The following CDH12 variants were observed in gnomAD, a reference collection of about 807,000 sequenced individuals.
CDH12 encodes cadherin 12, also known as cadherin-12.
A neutral mutation model predicts 74.1 loss-of-function variants in CDH12; 41 were observed. The observed-to-expected ratio is 0.55, with a 90% CI of 0.43 to 0.72. CDH12 has a LOEUF of 0.72. Ranked by LOEUF, CDH12 falls within the 30% of genes least tolerant of loss-of-function variation. The probability of loss-of-function intolerance (pLI) is 0.00; values close to 1 mark genes in which losing one functional copy is unlikely to be tolerated. For synonymous variants in CDH12, 399 were observed against 355.0 expected, an observed-to-expected ratio of 1.12 and a Z score of -1.39; for missense variants, 945 against 977.2, an observed-to-expected ratio of 0.97 and a Z score of 0.44.
At chr5:22,839,432 C>T (rs1400251812) in intron 1 of CDH12, among the ~76,000 whole-genome samples, 2 of 148,334 alleles carry the variant, frequency 1.3e-5, no homozygotes, top group Admixed American at 6.8e-5. Flanking sequence ...TATCTCGGCT[C>T]ACTGCAACCT....
intron 1 of CDH12, among the ~76,000 whole-genome samples, chr5:22,572,880 G>A (rs964902988): frequency 6.6e-6 from 1 of 152,130 alleles, no homozygotes; most frequent in Non-Finnish European, 1.5e-5. Flanking sequence ...AGACACAGCA[G>A]ATGAAACAAC....
At chr5:22,396,606 T>A (rs1206514133) in intron 3 of CDH12, among the ~76,000 whole-genome samples, 1 of 152,102 alleles carries the variant, frequency 6.6e-6, no homozygotes, top group Non-Finnish European at 1.5e-5. Context: ...ATGGATCAAA[T>A]GAGCAAATTT....
intron 6 of CDH12, among the ~76,000 whole-genome samples, chr5:21,952,632 G>C (rs1755914728): frequency 6.6e-6 from 1 of 152,166 alleles, no homozygotes. Flanking sequence ...GAGAAAACAT[G>C]CTGTGAGATG....
At chr5:22,804,336 AT>A (rs1328518987) in intron 1 of CDH12, among the ~76,000 whole-genome samples, 1 of 151,988 alleles carries the variant, frequency 6.6e-6, no homozygotes, top group Non-Finnish European at 1.5e-5. Flanking sequence ...CCTCAAACCT[AT>A]TTCTCTTTTG....
intron 3 of CDH12, among the ~76,000 whole-genome samples, chr5:22,239,442 G>A (rs943165814): frequency 6.6e-6 from 1 of 151,948 alleles, no homozygotes; most frequent in Non-Finnish European, 1.5e-5. Flanking sequence ...AAAAAAAAAG[G>A]GAGACTTGAT....
intron 4 of CDH12, among the ~76,000 whole-genome samples, chr5:22,204,012 C>T (rs1751066781): frequency 6.6e-6 from 1 of 152,136 alleles, no homozygotes; most frequent in Non-Finnish European, 1.5e-5. Context: ...AGGAAACAAT[C>T]CACAGCGCAA....
At position 22,584,036 on chromosome 5, in the gene CDH12, T is replaced by C. The variant is rs183063647; in HGVS notation, c.-522-78672A>G. On this transcript the variant is annotated intron_variant, in intron 1 of 14. Transcript: ENST00000382254. Reference sequence around the variant, plus strand: ...CAAACTATTATCTAGTTGCTTTTTTTTGCTTTTGAATTTTTTTAAGGGGAA... The same window carrying C: ...CAAACTATTATCTAGTTGCTTTTTTCTGCTTTTGAATTTTTTTAAGGGGAA... Among the ~76,000 whole-genome samples the C allele has an allele frequency of 2.0e-5, 3 of 152,066 alleles. No homozygotes were observed. In the East Asian group the frequency reaches 5.8e-4, roughly 29 times the overall value.
At chr5:22,395,441 T>C (rs1204623582) in intron 3 of CDH12, among the ~76,000 whole-genome samples, 1 of 152,144 alleles carries the variant, frequency 6.6e-6, no homozygotes, top group Non-Finnish European at 1.5e-5. Context: ...TGTTTTAAAC[T>C]ACCAAGTTTT....
intron 6 of CDH12, among the ~76,000 whole-genome samples, chr5:21,942,035 T>C (rs1412313500): frequency 6.6e-6 from 1 of 152,170 alleles, no homozygotes; most frequent in Non-Finnish European, 1.5e-5. Flanking sequence ...AGGTGGGTTA[T>C]TTGGGTGTTC....
At chr5:22,655,188 C>T (rs190957302) in intron 1 of CDH12, among the ~76,000 whole-genome samples, 1 of 152,102 alleles carries the variant, frequency 6.6e-6, no homozygotes, top group Admixed American at 6.5e-5. Flanking sequence ...TAGCTCTTTC[C>T]ATTTTAACTG....
intron 1 of CDH12, among the ~76,000 whole-genome samples, chr5:22,590,917 G>A (rs2126799052): frequency 1.3e-5 from 2 of 152,014 alleles, no homozygotes; most frequent in East Asian, 1.9e-4. Flanking sequence ...TGCTATTGGC[G>A]GCTTGTCCTG....
intron 5 of CDH12, among the ~76,000 whole-genome samples, chr5:22,072,261 C>G (rs1001001182): frequency 2.0e-5 from 3 of 152,082 alleles, no homozygotes; most frequent in African/African-American, 7.2e-5. Context: ...TTGAACCTTT[C>G]CATACTTTCT....
At chr5:22,587,748 C>T (rs1011568386) in intron 1 of CDH12, among the ~76,000 whole-genome samples, 1 of 151,880 alleles carries the variant, frequency 6.6e-6, no homozygotes, top group Non-Finnish European at 1.5e-5. Flanking sequence ...TCTGTTGAGA[C>T]CCCGAATTAT....
chr5:22,146,382 A>G (rs1378719150), intron 4 of CDH12, among the ~76,000 whole-genome samples: 1 of 152,112 alleles, frequency 6.6e-6, no homozygotes, highest in Admixed American at 6.6e-5. Context: ...CCTTGTATCA[A>G]TCAGGATTAA....
intron 2 of CDH12, among the ~76,000 whole-genome samples, chr5:22,482,427 T>C (rs938880529): frequency 6.6e-6 from 1 of 152,150 alleles, no homozygotes; most frequent in African/African-American, 2.4e-5. Context: ...CAAAAAGTAG[T>C]CTTCCCCTCT....
At chr5:22,334,286 A>C (rs1739472101) in intron 3 of CDH12, among the ~76,000 whole-genome samples, 1 of 152,162 alleles carries the variant, frequency 6.6e-6, no homozygotes, top group Admixed American at 6.5e-5. Flanking sequence ...GTTAATTTGA[A>C]ATTAACTTAA....
intron 1 of CDH12, among the ~76,000 whole-genome samples, chr5:22,573,548 T>C (rs1739638697): frequency 6.6e-6 from 1 of 152,178 alleles, no homozygotes; most frequent in African/African-American, 2.4e-5. Context: ...TGGGTATGTA[T>C]TAACTCTAAT....
intron 1 of CDH12, among the ~76,000 whole-genome samples, chr5:22,537,184 A>G (rs1737886429): frequency 6.6e-6 from 1 of 152,198 alleles, no homozygotes; most frequent in Non-Finnish European, 1.5e-5. Flanking sequence ...ACAAGATTAC[A>G]TATCAGTAAA....
In CDH12 at chr5:22,338,755, G is replaced by T. The variant is rs74538521; in HGVS notation, c.-333+66502C>A. Among the ~76,000 whole-genome samples the T allele has an allele frequency of 4.6e-5, 7 of 152,186 alleles. No individual in the cohort carries two copies. In the East Asian group the frequency reaches 1.4e-3, roughly 29 times the overall value. On this transcript the variant is annotated intron_variant, in intron 3 of 14. Transcript: ENST00000382254. The stretch of plus-strand genomic sequence containing the variant: ...TTTAAACATTTTAAAAATTTAAAAA[G>T]AATGTGGCAAAGATGATGGAGTGTC...
Sources: gnomAD v4.1 joint callset for allele counts (sites outside exome capture counted in the v4.1 genomes callset) on GRCh38, gnomAD v4.1.1 for gene constraint, MANE v1.5 for transcripts, NCBI Gene and HGNC (gene_info 2026-07-23, HGNC 2026-07-21) for gene names.